Variants in TBC1D32 observed in about 807,000 individuals in gnomAD.
TBC1D32 encodes protein broad-minded.
Under a neutral mutation model 170.3 loss-of-function variants are expected in TBC1D32, and 151 were observed. That is an observed-to-expected ratio of 0.89 (90% CI 0.78 to 1.01). TBC1D32 has a LOEUF of 1.01. TBC1D32 is among the 50% of genes least tolerant of loss of function. The pLI is 0.00. For missense variants in TBC1D32, 1,464 were observed against 1,457.1 expected (o/e 1.00, Z -0.08); for synonymous variants, 498 against 488.0 (o/e 1.02, Z -0.27).
intron 2 of TBC1D32, among the ~76,000 whole-genome samples, chr6:121,319,733 G>A (rs965792031): frequency 1.3e-4 from 20 of 152,064 alleles, no homozygotes; most frequent in African/African-American, 4.8e-4. Context: ...TGTGCTGTAC[G>A]AAATACTAAC....
chr6:121,154,482 T>C (rs1462289663), intron 24 of TBC1D32, among the ~76,000 whole-genome samples: 1 of 152,194 alleles, frequency 6.6e-6, no homozygotes, highest in Non-Finnish European at 1.5e-5. Flanking sequence ...ACTTGTTGAT[T>C]TGTTCAAGGC....
chr6:121,162,897 A>G (rs1482688766), intron 22 of TBC1D32: 3 of 110,924 alleles, frequency 2.7e-5, no homozygotes, highest in African/African-American at 9.0e-5. Context: ...AGGGCGAGGC[A>G]TTGCCTCACC....
intron 17 of TBC1D32, among the ~76,000 whole-genome samples, chr6:121,246,392 C>T (rs73768944): frequency 0.022 from 3,288 of 151,818 alleles, 127 homozygotes; most frequent in African/African-American, 0.074. Context: ...TTTTCTAATC[C>T]GATCAAAAAT....
Position 121,279,190 on chromosome 6 carries a change from C to A in TBC1D32, c.1664G>T (p.Arg555Ile), listed in dbSNP as rs1802651286. ...ALIHIAGILA[R>I]IASVEEGLIL... The stretch of plus-strand genomic sequence containing the variant: ...AAGCCCTTCTTCTACAGATGCAATT[C>A]TTGCCAAAATACCAGCTATATGAAT... Residue 555 changes from arginine (R) to isoleucine (I), a missense_variant, in exon 15 of 32, where the codon AGA (arginine) becomes ATA (isoleucine). Around this residue, in one of 3 missense-constraint regions of TBC1D32, gnomAD observed 1,363 missense variants for 1,338.1 expected, o/e 1.02. Coordinates refer to ENST00000398212, the MANE Select transcript of TBC1D32 (RefSeq NM_152730.6). 4 of 1,611,946 alleles carry A rather than the reference C, an allele frequency of 2.5e-6. No individual in the cohort carries two copies. The highest frequency in any genetic ancestry group is 3.4e-6 in the Non-Finnish European group (4 of 1,179,036).
intron 10 of TBC1D32, among the ~76,000 whole-genome samples, chr6:121,298,252 C>G (rs1805951203): frequency 6.6e-6 from 1 of 151,956 alleles, no homozygotes; most frequent in African/African-American, 2.4e-5. Context: ...ATACTATATA[C>G]ATAAAATATT....
chr6:121,182,258 A>G (rs1181984849), intron 22 of TBC1D32, among the ~76,000 whole-genome samples: 1 of 152,006 alleles, frequency 6.6e-6, no homozygotes, highest in Non-Finnish European at 1.5e-5. Context: ...TTTTATAACA[A>G]TTTGTTAAGT....
intron 29 of TBC1D32, among the ~76,000 whole-genome samples, chr6:121,111,590 CTG>C (rs1779210783): frequency 6.6e-6 from 1 of 152,080 alleles, no homozygotes; most frequent in Non-Finnish European, 1.5e-5. Flanking sequence ...ATTAGTTTCT[CTG>C]TGTTCATGGG....
At chr6:121,274,151 A>G (rs1227250912) in intron 15 of TBC1D32, among the ~76,000 whole-genome samples, 1 of 151,974 alleles carries the variant, frequency 6.6e-6, no homozygotes, top group Non-Finnish European at 1.5e-5. Flanking sequence ...TGGCCAATAT[A>G]GTGAAACCCC....
intron 2 of TBC1D32, 35 bp downstream of exon 2, chr6:121,321,598 A>C (rs769354535): frequency 2.6e-5 from 42 of 1,589,830 alleles, no homozygotes; most frequent in Non-Finnish European, 3.6e-5. Flanking sequence ...TTGTTGAAGA[A>C]GGTTATTTGA....
chr6:121,262,350 A>C (rs1447967102), intron 15 of TBC1D32, among the ~76,000 whole-genome samples: 1 of 152,186 alleles, frequency 6.6e-6, no homozygotes, highest in Non-Finnish European at 1.5e-5. Context: ...GTTGAAATGA[A>C]AGAAAAAATG....
intron 22 of TBC1D32, among the ~76,000 whole-genome samples, chr6:121,180,725 A>G (rs953998195): frequency 2.6e-5 from 4 of 152,172 alleles, no homozygotes; most frequent in Admixed American, 6.6e-5. Flanking sequence ...GCAAACGTAG[A>G]CAAATGAGAT....
intron 20 of TBC1D32, among the ~76,000 whole-genome samples, chr6:121,231,691 T>G (rs1283765370): frequency 2.0e-5 from 3 of 152,184 alleles, no homozygotes; most frequent in Non-Finnish European, 4.4e-5. Context: ...TTTTTCCATG[T>G]GCTTGTTGGC....
intron 31 of TBC1D32, among the ~76,000 whole-genome samples, chr6:121,084,155 C>T (rs995827663): frequency 2.6e-5 from 4 of 152,106 alleles, no homozygotes; most frequent in African/African-American, 9.7e-5. Context: ...TAGACTCCTC[C>T]ATGTTTGATT....
At chr6:121,323,963 CT>C (rs750242623) in intron 1 of TBC1D32, among the ~76,000 whole-genome samples, 6 of 152,076 alleles carry the variant, frequency 3.9e-5, no homozygotes, top group Non-Finnish European at 5.9e-5. Flanking sequence ...GATAAACTAA[CT>C]TGTAAGTAAC....
At chr6:121,268,927 T>C (rs1448439827) in intron 15 of TBC1D32, among the ~76,000 whole-genome samples, 10 of 152,196 alleles carry the variant, frequency 6.6e-5, no homozygotes, top group Non-Finnish European at 7.3e-5. Context: ...GCAGACACTC[T>C]GCAAGCCAGA....
At chr6:121,152,373 T>TA (rs1784333237) in intron 24 of TBC1D32, among the ~76,000 whole-genome samples, 1 of 152,198 alleles carries the variant, frequency 6.6e-6, no homozygotes, top group South Asian at 2.1e-4. Context: ...GATCTGCTGT[T>TA]AGTCTAATGG....
At chr6:121,103,444 T>C (rs1451737286) in intron 30 of TBC1D32, among the ~76,000 whole-genome samples, 2 of 151,812 alleles carry the variant, frequency 1.3e-5, no homozygotes, top group East Asian at 3.9e-4. Context: ...GGGACATGGA[T>C]GAAGCTGGAA....
intron 17 of TBC1D32, among the ~76,000 whole-genome samples, chr6:121,247,090 G>C (rs1162967829): frequency 1.3e-5 from 2 of 152,018 alleles, no homozygotes; most frequent in African/African-American, 4.8e-5. Context: ...CAGGTAACCT[G>C]TAAAAGAAAA....
At chr6:121,319,668 T>C (rs1809419467) in intron 2 of TBC1D32, among the ~76,000 whole-genome samples, 1 of 152,180 alleles carries the variant, frequency 6.6e-6, no homozygotes, top group Admixed American at 6.5e-5. Context: ...ATCTATAAGT[T>C]TCGCTTTGAA....
Sources: gnomAD v4.1 joint callset for allele counts (sites outside exome capture counted in the v4.1 genomes callset) on GRCh38, gnomAD v4.1.1 for gene constraint, gnomAD v4.1.1 regional missense constraint, MANE v1.5 for transcripts, NCBI Gene and HGNC (gene_info 2026-07-23, HGNC 2026-07-21) for gene names.